Variants in ABCC2 observed in about 807,000 individuals in gnomAD.
ABCC2 encodes ATP-binding cassette sub-family C member 2.
Under a neutral mutation model 173.4 loss-of-function variants are expected in ABCC2, and 157 were observed. That is an observed-to-expected ratio of 0.91 (90% confidence interval 0.80 to 1.03). ABCC2 has a LOEUF of 1.03. Ranked by LOEUF, ABCC2 falls within the 50% of genes least tolerant of loss-of-function variation. The probability of loss-of-function intolerance (pLI) is 0.00; values close to 1 mark genes in which losing one functional copy is unlikely to be tolerated. For synonymous variants in ABCC2, 657 were observed against 693.5 expected, an observed-to-expected ratio of 0.95 and a Z score of 0.83; for missense variants, 1,822 against 1,852.3, an observed-to-expected ratio of 0.98 and a Z score of 0.30.
intron 3 of ABCC2, among the ~76,000 whole-genome samples, chr10:99,792,612 G>T (rs752810970): frequency 1.5e-4 from 23 of 152,092 alleles, no homozygotes; most frequent in Non-Finnish European, 2.9e-4. Flanking sequence ...TCTTATGTCC[G>T]CACATCTTGC....
rs567164271 is a variant in ABCC2 at position 99,800,774 on chromosome 10, G to A, written c.1209+211G>A. The stretch of plus-strand genomic sequence containing the variant: ...GGGTGGAGAGGCCAGGAGGGAAAAC[G>A]TACTCCCCAGGGAGAAGCCTGCAAG... On this transcript the variant is annotated intron_variant, in intron 9 of 31. Coordinates refer to ENST00000647814, the MANE Select transcript of ABCC2 (RefSeq NM_000392.5). Among the ~76,000 whole-genome samples, 6 of 152,296 alleles carry A rather than the reference G, an allele frequency of 3.9e-5. No individual in the cohort carries two copies. In the South Asian group the frequency reaches 6.2e-4, roughly 16 times the overall value.
chr10:99,839,238 C>T (rs78781048), intron 25 of ABCC2, among the ~76,000 whole-genome samples: 12 of 93,628 alleles, frequency 1.3e-4, no homozygotes, highest in African/African-American at 2.8e-4. Flanking sequence ...GGCGGGGGGC[C>T]GACCCCCCCA....
intron 2 of ABCC2, 39 bp downstream of exon 2, chr10:99,784,820 G>C (rs757689908): frequency 5.0e-6 from 8 of 1,606,206 alleles, no homozygotes; most frequent in Non-Finnish European, 6.8e-6. Flanking sequence ...CTAATTCCTT[G>C]GTGCACAGTA....
chr10:99,843,316 T>C (rs2038973412), intron 26 of ABCC2, among the ~76,000 whole-genome samples: 1 of 152,252 alleles, frequency 6.6e-6, no homozygotes, highest in African/African-American at 2.4e-5. Flanking sequence ...GATTCCGTCC[T>C]CTGCTTTCTG....
intron 5 of ABCC2, 73 bp downstream of exon 5, chr10:99,794,072 G>C: frequency 7.0e-7 from 1 of 1,423,904 alleles, no homozygotes; most frequent in Non-Finnish European, 9.8e-7. Flanking sequence ...ACTTTAAGAT[G>C]TCTGGGTCTC....
In ABCC2 at chr10:99,836,238, G is replaced by A; in HGVS notation, c.3562G>A (p.Val1188Met). Residue 1188 changes from valine (V) to methionine (M), a missense_variant, in exon 25 of 32, where the codon GTG becomes ATG. Transcript: ENST00000647814. ...HQQRFLKHNE[V>M]RIDTNQKCVF... Reference sequence around the variant, plus strand: ...GCAGCGATTTCTGAAACACAATGAGGTGAGGATTGACACCAACCAGAAATG... The same window carrying A: ...GCAGCGATTTCTGAAACACAATGAGATGAGGATTGACACCAACCAGAAATG... 6.2e-7 allele frequency: 1 copy of A among 1,614,172 alleles called. No individual in the cohort carries two copies. Among genetic ancestry groups the A allele is most frequent in the East Asian group, 2.2e-5 (1 of 44,886 alleles).
intron 23 of ABCC2, among the ~76,000 whole-genome samples, chr10:99,832,896 T>C (rs1241533903): frequency 6.6e-6 from 1 of 152,244 alleles, no homozygotes; most frequent in African/African-American, 2.4e-5. Flanking sequence ...GTGAAGATCA[T>C]AGATGTCTCT....
intron 19 of ABCC2, among the ~76,000 whole-genome samples, chr10:99,828,640 CT>C (rs1354233100): frequency 6.6e-6 from 1 of 152,088 alleles, no homozygotes; most frequent in Non-Finnish European, 1.5e-5. Flanking sequence ...AGTCTGTATT[CT>C]TTGTCATTGT....
At chr10:99,830,589 TTG>T (rs1206406639) in intron 20 of ABCC2, 125 bp from the exon 21 acceptor site, 2 of 1,558,204 alleles carry the variant, frequency 1.3e-6, no homozygotes, top group Admixed American at 1.7e-5. Flanking sequence ...AAGATCGGGG[TTG>T]TGTCAGTTTC....
chr10:99,830,986 T>C (rs982201213), intron 21 of ABCC2, 135 bp downstream of exon 21: 7 of 969,192 alleles, frequency 7.2e-6, no homozygotes, highest in Non-Finnish European at 9.5e-6. Context: ...TTCAGACTCA[T>C]TATTAACCTG....
chr10:99,799,108 C>A, intron 7 of ABCC2, 99 bp from the exon 8 acceptor site: 1 of 1,371,898 alleles, frequency 7.3e-7, no homozygotes, highest in South Asian at 1.2e-5. Context: ...AAAACCTGTA[C>A]AGAGAAGGCC....
intron 24 of ABCC2, among the ~76,000 whole-genome samples, 200 bp downstream of exon 24, chr10:99,834,735 A>G (rs2038792685): frequency 6.6e-6 from 1 of 152,220 alleles, no homozygotes; most frequent in Non-Finnish European, 1.5e-5. Context: ...CAATGGGTGC[A>G]CCATTTATGG....
intron 25 of ABCC2, 46 bp downstream of exon 25, chr10:99,836,336 CTA>C: frequency 1.2e-6 from 2 of 1,600,846 alleles, no homozygotes; most frequent in Non-Finnish European, 1.7e-6. Flanking sequence ...CTTTGGGGTT[CTA>C]TATGTTTGAT....
At chr10:99,829,955 T>C (rs2038710260) in intron 19 of ABCC2, among the ~76,000 whole-genome samples, 1 of 152,176 alleles carries the variant, frequency 6.6e-6, no homozygotes. Context: ...TACAATCACT[T>C]CTTTAGTCAA....
intron 6 of ABCC2, 95 bp downstream of exon 6, chr10:99,794,563 A>AGATG: frequency 8.0e-7 from 1 of 1,256,930 alleles, no homozygotes; most frequent in Non-Finnish European, 1.1e-6. Flanking sequence ...TTTTTTTTTG[A>AGATG]GATGGAGTTT....
chr10:99,837,023 AG>A (rs1165369335), intron 25 of ABCC2, among the ~76,000 whole-genome samples: 4 of 152,280 alleles, frequency 2.6e-5, no homozygotes, highest in Non-Finnish European at 5.9e-5. Context: ...AAGAAGGAAA[AG>A]GCATATAAGT....
At chr10:99,810,252 T>C (rs916071886) in intron 14 of ABCC2, 34 bp downstream of exon 14, 15 of 1,560,036 alleles carry the variant, frequency 9.6e-6, no homozygotes, top group African/African-American at 1.4e-5. Context: ...CCCAAACTTA[T>C]TCGCAGTACT....
In ABCC2 at chr10:99,784,742, C is replaced by T; in HGVS notation, c.168C>T (p.Thr56=). ...WQLLHVYKSR[T]KRSSTTKLYL... Reference sequence around the variant, plus strand: ...TTCTCCACGTGTATAAATCCAGGACCAAGAGATCCTCTACCACCAAACTCT... The same window carrying T: ...TTCTCCACGTGTATAAATCCAGGACTAAGAGATCCTCTACCACCAAACTCT... Residue 56 remains threonine (T), a synonymous_variant, in exon 2 of 32, where the codon ACC becomes ACT. Coordinates refer to ENST00000647814, the MANE Select transcript of ABCC2 (RefSeq NM_000392.5). The T allele has an allele frequency of 6.2e-7, 1 of 1,614,128 alleles. No individual in the cohort carries two copies. Among genetic ancestry groups the T allele is most frequent in the Non-Finnish European group, 8.5e-7 (1 of 1,180,000 alleles).
chr10:99,788,414 C>T (rs183425345), intron 2 of ABCC2: 1 of 152,064 alleles, frequency 6.6e-6, no homozygotes, highest in Admixed American at 6.6e-5. Context: ...TATCCCACCC[C>T]CAAATAGACC....
Sources: gnomAD v4.1 joint callset for allele counts (sites outside exome capture counted in the v4.1 genomes callset) on GRCh38, gnomAD v4.1.1 for gene constraint, MANE v1.5 for transcripts, NCBI Gene and HGNC (gene_info 2026-07-23, HGNC 2026-07-21) for gene names.